Variants in AUTS2 observed in about 807,000 individuals in gnomAD.
AUTS2 encodes the protein activator of transcription and developmental regulator AUTS2, also known as autism susceptibility gene 2 protein.
A neutral mutation model predicts 112.4 loss-of-function variants in AUTS2; 17 were observed. The observed-to-expected ratio is 0.15, with a 90% CI of 0.10 to 0.23. The LOEUF (loss-of-function observed/expected upper bound fraction) is 0.23. AUTS2 is among the 10% of genes least tolerant of loss of function. The pLI is 1.00. For synonymous variants in AUTS2, 751 were observed against 702.7 expected (o/e 1.07, Z -1.09); for missense variants, 1,510 against 1,701.6 (o/e 0.89, Z 1.98).
intron 2 of AUTS2, among the ~76,000 whole-genome samples, chr7:69,935,649 A>G (rs1434929356): frequency 1.3e-5 from 2 of 152,000 alleles, no homozygotes; most frequent in South Asian, 2.1e-4. Context: ...CTCCCCAGGC[A>G]TAGTATTTAT....
intron 1 of AUTS2, among the ~76,000 whole-genome samples, chr7:69,692,530 T>G (rs1438086641): frequency 6.6e-6 from 1 of 152,248 alleles, no homozygotes; most frequent in East Asian, 1.9e-4. Flanking sequence ...AAATAGCTTT[T>G]ATTTATTGTA....
intron 1 of AUTS2, among the ~76,000 whole-genome samples, chr7:69,722,378 ATT>A (rs34149543): frequency 2.1e-5 from 3 of 142,698 alleles, no homozygotes; most frequent in Non-Finnish European, 1.5e-5. Context: ...CTTATTCTAC[ATT>A]TTTTTTTTTT....
At chr7:69,808,093 A>G (rs1466398808) in intron 1 of AUTS2, among the ~76,000 whole-genome samples, 1 of 151,916 alleles carries the variant, frequency 6.6e-6, no homozygotes, top group Non-Finnish European at 1.5e-5. Flanking sequence ...ATGCCTGGCT[A>G]ATTTTTGTAT....
intron 4 of AUTS2, among the ~76,000 whole-genome samples, chr7:70,393,669 T>A (rs1459823964): frequency 6.6e-6 from 1 of 152,210 alleles, no homozygotes; most frequent in African/African-American, 2.4e-5. Context: ...TCCTTGCTCT[T>A]AGCCAGCCAC....
chr7:70,688,715 T>G (rs1044551184), intron 5 of AUTS2, among the ~76,000 whole-genome samples: 2 of 152,122 alleles, frequency 1.3e-5, no homozygotes, highest in Non-Finnish European at 2.9e-5. Context: ...GTCCCAGTAC[T>G]CAGGAGGCTG....
At chr7:70,698,877 T>C (rs1809288225) in intron 6 of AUTS2, 1 of 335,576 alleles carries the variant, frequency 3.0e-6, no homozygotes, top group African/African-American at 2.1e-5. Flanking sequence ...GTGACTTTAA[T>C]ATAGAAAGCT....
At chr7:70,372,653 T>C (rs1051596016) in intron 4 of AUTS2, among the ~76,000 whole-genome samples, 3 of 150,240 alleles carry the variant, frequency 2.0e-5, no homozygotes, top group South Asian at 2.1e-4. Flanking sequence ...TTACTTCCTT[T>C]CTTTCTTTTT....
At chr7:70,293,668 ATTGT>A (rs1467748116) in intron 4 of AUTS2, 1 of 152,064 alleles carries the variant, frequency 6.6e-6, no homozygotes, top group African/African-American at 2.4e-5. Flanking sequence ...ATTCCCTGTC[ATTGT>A]TTGAGAGTGT....
chr7:70,781,926 T>TTGATACACTC (rs1563195805), intron 15 of AUTS2, 170 bp downstream of exon 15: 3 of 740,946 alleles, frequency 4.0e-6, no homozygotes, highest in Non-Finnish European at 6.4e-6. Flanking sequence ...GGAATCTTCA[T>TTGATACACTC]TGATACACTC....
At chr7:69,659,503 CA>C (rs1795690456) in intron 1 of AUTS2, among the ~76,000 whole-genome samples, 1 of 139,162 alleles carries the variant, frequency 7.2e-6, no homozygotes, top group African/African-American at 2.7e-5. Flanking sequence ...GGATATCCAT[CA>C]GGGGATGGAT....
chr7:69,896,277 A>G (rs559671350), intron 1 of AUTS2, among the ~76,000 whole-genome samples: 1 of 152,328 alleles, frequency 6.6e-6, no homozygotes, highest in African/African-American at 2.4e-5. Flanking sequence ...ATCAATGGCC[A>G]TGTGCGCTTG....
intron 1 of AUTS2, among the ~76,000 whole-genome samples, chr7:69,646,895 GC>G (rs1795045439): frequency 6.6e-6 from 1 of 152,108 alleles, no homozygotes; most frequent in South Asian, 2.1e-4. Flanking sequence ...GACCATCCTG[GC>G]TAACACGGTG....
chr7:70,350,258 A>G (rs927848382), intron 4 of AUTS2, among the ~76,000 whole-genome samples: 3 of 152,214 alleles, frequency 2.0e-5, no homozygotes, highest in Non-Finnish European at 4.4e-5. Flanking sequence ...GATGTACAAC[A>G]TAATGTTTTG....
intron 4 of AUTS2, among the ~76,000 whole-genome samples, chr7:70,306,656 G>A (rs185991119): frequency 3.1e-4 from 47 of 152,270 alleles, no homozygotes; most frequent in African/African-American, 9.4e-4. Flanking sequence ...AGTATGATGC[G>A]TAGAACTTTC....
At chr7:70,409,879 A>G (rs1794700338) in intron 4 of AUTS2, among the ~76,000 whole-genome samples, 1 of 152,180 alleles carries the variant, frequency 6.6e-6, no homozygotes, top group African/African-American at 2.4e-5. Context: ...GGAAATTCAA[A>G]TGCCAATTCA....
At chr7:70,634,930 G>A (rs909364322) in intron 5 of AUTS2, among the ~76,000 whole-genome samples, 1 of 152,128 alleles carries the variant, frequency 6.6e-6, no homozygotes, top group Non-Finnish European at 1.5e-5. Flanking sequence ...AGCAGACATG[G>A]TCCTTGGTTG....
chr7:69,745,384 C>G (rs1184599744), intron 1 of AUTS2, among the ~76,000 whole-genome samples: 1 of 152,112 alleles, frequency 6.6e-6, no homozygotes, highest in Non-Finnish European at 1.5e-5. Flanking sequence ...GTTCCATTGC[C>G]CTATTCTGGA....
chr7:70,734,815 T>G (rs11766719), intron 6 of AUTS2, among the ~76,000 whole-genome samples: 23,976 of 152,082 alleles, frequency 0.16, 2,241 homozygotes, highest in East Asian at 0.38. Context: ...TTTTTAAAAA[T>G]GGAAGCAACA....
chr7:69,674,921 C>T (rs1392737169), intron 1 of AUTS2, among the ~76,000 whole-genome samples: 1 of 152,214 alleles, frequency 6.6e-6, no homozygotes, highest in Non-Finnish European at 1.5e-5. Context: ...AGTGTGTGCA[C>T]AGCATCCTAT....
Sources: allele counts gnomAD v4.1 joint callset (sites outside exome capture counted in the v4.1 genomes callset), GRCh38; gene constraint gnomAD v4.1.1; transcripts MANE v1.5; gene names NCBI Gene and HGNC (gene_info 2026-07-23, HGNC 2026-07-21).